NCAM2: variants seen among roughly 807,000 people sequenced by gnomAD.
NCAM2 encodes neural cell adhesion molecule 2, also known as N-CAM-2.
A neutral mutation model predicts 98.1 loss-of-function variants in NCAM2; 30 were observed. That is an observed-to-expected ratio of 0.31 (90% CI 0.23 to 0.41). The LOEUF (loss-of-function observed/expected upper bound fraction) is 0.41. Ranked by LOEUF, NCAM2 falls within the 10% of genes least tolerant of loss-of-function variation. NCAM2 has a pLI of 1.00. For synonymous variants in NCAM2, 368 were observed against 342.4 expected, an observed-to-expected ratio of 1.07 and a Z score of -0.83; for missense variants, 867 against 1,005.8, an observed-to-expected ratio of 0.86 and a Z score of 1.87.
chr21:21,530,868 T>C (rs1452254708), intron 16 of NCAM2, among the ~76,000 whole-genome samples: 2 of 151,912 alleles, frequency 1.3e-5, no homozygotes, highest in African/African-American at 4.8e-5. Flanking sequence ...AGGCCAAAAC[T>C]GAAAAATTCT....
intron 1 of NCAM2, among the ~76,000 whole-genome samples, chr21:21,018,346 A>T (rs1442962430): frequency 1.3e-5 from 2 of 152,310 alleles, no homozygotes; most frequent in Non-Finnish European, 2.9e-5. Flanking sequence ...CAGCTCAGGG[A>T]CTGTAATTGA....
At chr21:21,377,786 CCTGT>C (rs369412384) in intron 9 of NCAM2, among the ~76,000 whole-genome samples, 57 of 151,992 alleles carry the variant, frequency 3.8e-4, no homozygotes, top group African/African-American at 1.3e-3. Flanking sequence ...ACCTATTTCT[CCTGT>C]CTATCTGCCT....
In NCAM2 at chr21:21,047,782, T is replaced by G. The variant is rs116167386; in HGVS notation, c.55+49164T>G. ...TAAGAAGCTGTGTGGATTTTTGTTC[T>G]GTTTGCTTTTGAGAACTAAGCTCTG... is the stretch of plus-strand genomic sequence containing the variant. On this transcript the variant is annotated intron_variant, in intron 1 of 17. Transcript: ENST00000400546. Among the ~76,000 whole-genome samples the G allele has an allele frequency of 9.6e-3, 1,465 of 152,290 alleles. 20 individuals are homozygous for G. Among genetic ancestry groups the G allele is most frequent in the African/African-American group, 0.034 (1,408 of 41,558 alleles).
intron 1 of NCAM2, among the ~76,000 whole-genome samples, chr21:21,214,722 C>CATATATATATATATATATAT (rs1555829682): frequency 7.6e-5 from 7 of 92,586 alleles, no homozygotes; most frequent in South Asian, 4.4e-4. Flanking sequence ...ATATATATTC[C>CATATATATATATATATATAT]ATATATATAT....
chr21:21,528,382 T>C (rs946102912), intron 16 of NCAM2, among the ~76,000 whole-genome samples: 2 of 152,136 alleles, frequency 1.3e-5, no homozygotes, highest in Non-Finnish European at 2.9e-5. Flanking sequence ...GGTTCATTGA[T>C]TGTAACAAAT....
chr21:21,288,331 T>G (rs2073175526), intron 4 of NCAM2, among the ~76,000 whole-genome samples: 1 of 151,896 alleles, frequency 6.6e-6, no homozygotes, highest in African/African-American at 2.4e-5. Context: ...TGGCTATATA[T>G]TAGATTCTTA....
Position 21,327,306 on chromosome 21 carries a change from CAAAAAA to C in NCAM2, c.737+2825_737+2830del, listed in dbSNP as rs11384559. Among the ~76,000 whole-genome samples the C allele has an allele frequency of 6.0e-4, 49 of 82,186 alleles. 1 individual carries two copies. Among genetic ancestry groups the C allele is most frequent in the Admixed American group, 5.9e-3 (36 of 6,088 alleles). The allele number at this position is 82,186 out of a possible 152,430, so 53.9% of individuals were successfully genotyped here. ...CAGGCAACAGAGCAAGACTCTGTCT[CAAAAAA>C]AAAAAAAAAAAAAAAAAATTTCTTT... is the stretch of plus-strand genomic sequence containing the variant. On this transcript the variant is annotated intron_variant, in intron 6 of 17. Transcript: ENST00000400546.
chr21:21,284,256 C>T lies in NCAM2; in HGVS notation c.193C>T (p.Gln65Ter), dbSNP rs558460332. 1 of 1,612,462 alleles carries T rather than the reference C, an allele frequency of 6.2e-7. No homozygotes were observed. The highest frequency in any genetic ancestry group is 1.3e-5 in the African/African-American group (1 of 74,944). The change falls in exon 3 of 18, where the codon CAG becomes TAG. Residue 65 changes from glutamine to a stop codon, truncating the protein, a stop_gained. Coordinates refer to ENST00000400546, the MANE Select transcript of NCAM2 (RefSeq NM_004540.5). LOFTEE classifies it high-confidence loss of function. ...NPQGEKIIST[Q>*]RVVVQKEGVR... ...TCAAGGAGAGAAGATAATTTCAACA[C>T]AGAGGGTAGTAGTGCAAAAGGAAGG...
intron 10 of NCAM2, among the ~76,000 whole-genome samples, chr21:21,412,635 T>A (rs1265565479): frequency 6.6e-6 from 1 of 152,138 alleles, no homozygotes; most frequent in East Asian, 1.9e-4. Context: ...AATAAAATTT[T>A]AAAAAACCCA....
intron 1 of NCAM2, among the ~76,000 whole-genome samples, chr21:21,119,459 T>C (rs1464849918): frequency 1.3e-5 from 2 of 152,198 alleles, no homozygotes; most frequent in African/African-American, 4.8e-5. Flanking sequence ...AAAAGAATTG[T>C]AGTATTGTTT....
At chr21:21,378,207 A>G (rs2076075269) in intron 9 of NCAM2, among the ~76,000 whole-genome samples, 1 of 151,708 alleles carries the variant, frequency 6.6e-6, no homozygotes, top group African/African-American at 2.4e-5. Flanking sequence ...ATAAACCCAG[A>G]CAAAGGATTC....
chr21:21,485,361 GTAGT>G (rs1475943848), intron 15 of NCAM2, among the ~76,000 whole-genome samples: 2 of 152,078 alleles, frequency 1.3e-5, no homozygotes, highest in Non-Finnish European at 2.9e-5. Flanking sequence ...TCTAACATAA[GTAGT>G]TATTTATTAC....
intron 6 of NCAM2, among the ~76,000 whole-genome samples, chr21:21,325,066 A>C (rs1394254596): frequency 6.6e-6 from 1 of 152,028 alleles, no homozygotes; most frequent in East Asian, 1.9e-4. Flanking sequence ...ATACTATTTG[A>C]TTTTTATTAA....
intron 9 of NCAM2, among the ~76,000 whole-genome samples, chr21:21,405,208 T>A (rs1249416509): frequency 6.6e-6 from 1 of 152,094 alleles, no homozygotes; most frequent in Non-Finnish European, 1.5e-5. Context: ...TTTTAGTTTT[T>A]ATGTTTCAGA....
intron 8 of NCAM2, among the ~76,000 whole-genome samples, chr21:21,345,342 A>G (rs2075157508): frequency 6.6e-6 from 1 of 152,112 alleles, no homozygotes; most frequent in Non-Finnish European, 1.5e-5. Flanking sequence ...CAGAGAATTC[A>G]AAATAGTTGT....
intron 14 of NCAM2, among the ~76,000 whole-genome samples, chr21:21,476,683 G>A (rs1985208550): frequency 6.6e-6 from 1 of 151,968 alleles, no homozygotes; most frequent in African/African-American, 2.4e-5. Flanking sequence ...TTTAAGTGTA[G>A]AATGTTTGAG....
chr21:21,014,940 G>A (rs995611930), intron 1 of NCAM2, among the ~76,000 whole-genome samples: 10 of 152,128 alleles, frequency 6.6e-5, no homozygotes, highest in Admixed American at 4.6e-4. Context: ...ATGGATGGCC[G>A]AGGTTCAAGA....
At chr21:21,475,982 C>T (rs954355573) in intron 14 of NCAM2, among the ~76,000 whole-genome samples, 1 of 152,154 alleles carries the variant, frequency 6.6e-6, no homozygotes, top group South Asian at 2.1e-4. Flanking sequence ...CTGAAGGACA[C>T]TCCATGTTTG....
chr21:21,058,335 A>G (rs1474282338), intron 1 of NCAM2, among the ~76,000 whole-genome samples: 1 of 152,054 alleles, frequency 6.6e-6, no homozygotes. Context: ...ACATTATTTC[A>G]TTGCACATAT....
Sources: gnomAD v4.1 joint callset for allele counts (sites outside exome capture counted in the v4.1 genomes callset) on GRCh38, gnomAD v4.1.1 for gene constraint, MANE v1.5 for transcripts, NCBI Gene and HGNC (gene_info 2026-07-23, HGNC 2026-07-21) for gene names.